The following FOCAD variants were observed in gnomAD, a reference collection of about 807,000 sequenced individuals.
FOCAD encodes focadhesin, also known as KIAA1797.
FOCAD carries 198 observed loss-of-function variants against 225.6 expected under a neutral mutation model. That is an observed-to-expected ratio of 0.88 (90% CI 0.78 to 0.99). The LOEUF is 0.99. Among genes scored for constraint, FOCAD ranks in the 50% least tolerant of loss-of-function variants. The pLI is 0.00. For missense variants in FOCAD, 2,713 were observed against 2,123.6 expected, an observed-to-expected ratio of 1.28 and a Z score of -5.46; for synonymous variants, 897 against 755.0, an observed-to-expected ratio of 1.19 and a Z score of -3.08.
intron 15 of FOCAD, among the ~76,000 whole-genome samples, chr9:20,827,496 G>A (rs1825024359): frequency 6.6e-6 from 1 of 150,566 alleles, no homozygotes; most frequent in African/African-American, 2.4e-5. Flanking sequence ...ATTGTGGCGT[G>A]TGTGTGTGTG....
chr9:20,993,729 A>C (rs1435437195), intron 43 of FOCAD, among the ~76,000 whole-genome samples: 1 of 152,164 alleles, frequency 6.6e-6, no homozygotes, highest in Non-Finnish European at 1.5e-5. Context: ...TTTTTAGATT[A>C]GGGATGCTCA....
chr9:20,772,928 T>C (rs1457500285), intron 8 of FOCAD, among the ~76,000 whole-genome samples: 2 of 150,958 alleles, frequency 1.3e-5, no homozygotes, highest in Non-Finnish European at 2.9e-5. Context: ...TCAGGTATAA[T>C]TATATTTTAC....
Position 20,778,760 on chromosome 9 carries a change from T to C in FOCAD, c.986T>C (p.Leu329Ser). Residue 329 changes from leucine to serine, a missense_variant, in exon 9 of 44, where the codon TTA becomes TCA. Coordinates refer to ENST00000338382, the MANE Select transcript of FOCAD (RefSeq NM_001375567.1). ...CCAGCAAGTCAGCAGAAGCCAATCTTAAATCTAGGTAAATAAAAATACAGT... is the reference window on the plus strand; with the variant it reads ...CCAGCAAGTCAGCAGAAGCCAATCTCAAATCTAGGTAAATAAAAATACAGT... ...QTPASQQKPI[L>S]NLALKLLSVT... is the part of the protein sequence containing the mutation. 6.3e-7 allele frequency: 1 copy of C among 1,586,752 alleles called. No homozygotes were observed. The highest frequency in any genetic ancestry group is 8.6e-7 in the Non-Finnish European group (1 of 1,156,346).
chr9:20,948,395 T>A lies in FOCAD; in HGVS notation c.3798+2T>A. On this transcript the variant is annotated splice_donor_variant, in intron 31 of 43. Coordinates refer to ENST00000338382, the MANE Select transcript of FOCAD (RefSeq NM_001375567.1). LOFTEE classifies it high-confidence loss of function. Reference sequence around the variant, plus strand: ...TGGATCAGAATTGTTCTAACAGAGGTAGAGGTCACCTGTTGTATGCTATTT... The same window carrying A: ...TGGATCAGAATTGTTCTAACAGAGGAAGAGGTCACCTGTTGTATGCTATTT... The A allele has an allele frequency of 6.2e-7, 1 of 1,610,070 alleles. No individual in the cohort carries two copies. The highest frequency in any genetic ancestry group is 8.5e-7 in the Non-Finnish European group (1 of 1,177,900).
intron 21 of FOCAD, among the ~76,000 whole-genome samples, chr9:20,886,358 T>C (rs1831103122): frequency 1.3e-5 from 2 of 152,190 alleles, no homozygotes; most frequent in African/African-American, 4.8e-5. Context: ...TCTCATTAGT[T>C]GGCATAGAGA....
chr9:20,829,935 A>T (rs923715511), intron 15 of FOCAD, among the ~76,000 whole-genome samples: 2 of 152,092 alleles, frequency 1.3e-5, no homozygotes, highest in Admixed American at 6.6e-5. Context: ...TATATTTATT[A>T]TCTCATTTAA....
Position 20,789,503 on chromosome 9 carries a change from G to C in FOCAD, c.1350G>C (p.Ala450=), listed in dbSNP as rs150412472. The C allele has an allele frequency of 5.0e-6, 8 of 1,613,710 alleles. No individual in the cohort carries two copies. In the Admixed American group the frequency reaches 6.7e-5, roughly 13 times the overall value. The change falls in exon 11 of 44, where the codon GCG becomes GCC. Residue 450 remains alanine (A), a synonymous_variant. Transcript: ENST00000338382. The part of the protein sequence containing the change: ...SLLPITAVIP[A]PAFLLLAHLL... ...TTCCTATTACTGCTGTGATCCCTGC[G>C]CCTGCCTTTCTTCTGCTGGCTCACC...
intron 15 of FOCAD, among the ~76,000 whole-genome samples, chr9:20,844,311 A>C (rs1191284617): frequency 6.7e-6 from 1 of 148,648 alleles, no homozygotes; most frequent in African/African-American, 2.5e-5. Flanking sequence ...CTGTAATGAG[A>C]TAAAGGGCAG....
intron 28 of FOCAD, among the ~76,000 whole-genome samples, chr9:20,938,410 A>T (rs903182798): frequency 1.3e-5 from 2 of 152,244 alleles, no homozygotes; most frequent in Non-Finnish European, 2.9e-5. Context: ...ATAAAAAAGG[A>T]TGAGTTCATA....
chr9:20,919,011 G>T (rs1001760886), intron 24 of FOCAD, among the ~76,000 whole-genome samples: 2 of 152,204 alleles, frequency 1.3e-5, no homozygotes, highest in South Asian at 4.1e-4. Flanking sequence ...GTTTTGTTCA[G>T]AGCTAGAAGT....
chr9:20,862,469 T>C, intron 15 of FOCAD, 109 bp from the exon 16 acceptor site: 1 of 1,237,192 alleles, frequency 8.1e-7, no homozygotes, highest in Non-Finnish European at 1.1e-6. Context: ...CTAGGCATAG[T>C]CTTATTTGTT....
At chr9:20,795,377 A>G (rs1820944049) in intron 11 of FOCAD, among the ~76,000 whole-genome samples, 1 of 152,254 alleles carries the variant, frequency 6.6e-6, no homozygotes, top group South Asian at 2.1e-4. Flanking sequence ...CCCTTATCAC[A>G]GAAAGGCTCG....
At chr9:20,938,992 GA>G (rs1189625765) in intron 28 of FOCAD, among the ~76,000 whole-genome samples, 1 of 150,444 alleles carries the variant, frequency 6.6e-6, no homozygotes, top group African/African-American at 2.4e-5. Flanking sequence ...AAAAAATACA[GA>G]AAAAAAATTA....
intron 1 of FOCAD, among the ~76,000 whole-genome samples, chr9:20,710,675 C>T (rs941564134): frequency 6.6e-6 from 1 of 151,646 alleles, no homozygotes; most frequent in African/African-American, 2.4e-5. Flanking sequence ...CTCTATATTC[C>T]ATTTATAAAG....
chr9:20,791,952 T>C (rs1019574518), intron 11 of FOCAD, among the ~76,000 whole-genome samples: 1 of 152,208 alleles, frequency 6.6e-6, no homozygotes, highest in South Asian at 2.1e-4. Context: ...ATGTGGTAGG[T>C]GTGCCGAGAT....
At chr9:20,969,202 G>C (rs1839543251) in intron 35 of FOCAD, among the ~76,000 whole-genome samples, 1 of 152,118 alleles carries the variant, frequency 6.6e-6, no homozygotes, top group African/African-American at 2.4e-5. Flanking sequence ...GTAAGTCTTA[G>C]AGAATGTTCC....
chr9:20,669,289 A>T (rs1312470418), intron 2 of FOCAD, among the ~76,000 whole-genome samples: 1 of 152,164 alleles, frequency 6.6e-6, no homozygotes, highest in African/African-American at 2.4e-5. Flanking sequence ...CCTTCCTTTA[A>T]TTGAGCTAGT....
chr9:20,938,772 T>TA (rs1207756880), intron 28 of FOCAD, among the ~76,000 whole-genome samples: 2 of 152,024 alleles, frequency 1.3e-5, no homozygotes, highest in Admixed American at 6.6e-5. Context: ...AAGATTATCT[T>TA]ACCAATTTTT....
At chr9:20,804,183 A>C (rs1379347714) in intron 11 of FOCAD, among the ~76,000 whole-genome samples, 1 of 152,080 alleles carries the variant, frequency 6.6e-6, no homozygotes, top group African/African-American at 2.4e-5. Flanking sequence ...ACTTTAGCTT[A>C]AGCTTTCCTT....
Sources: gnomAD v4.1 joint callset for allele counts (sites outside exome capture counted in the v4.1 genomes callset) on GRCh38, gnomAD v4.1.1 for gene constraint, MANE v1.5 for transcripts, NCBI Gene and HGNC (gene_info 2026-07-23, HGNC 2026-07-21) for gene names.